Variants in AFG1L observed in about 807,000 individuals in gnomAD.
The protein encoded by AFG1L is AFG1-like ATPase.
In AFG1L, 53 loss-of-function variants were observed where a neutral mutation model predicts 62.2. The observed-to-expected ratio is 0.85, with a 90% CI of 0.68 to 1.07. The LOEUF is 1.07. Ranked by LOEUF, AFG1L falls within the 50% of genes least tolerant of loss-of-function variation. The pLI is 0.00. For missense variants in AFG1L, 555 were observed against 590.5 expected (o/e 0.94, Z 0.62); for synonymous variants, 228 against 210.3 (o/e 1.08, Z -0.73).
intron 7 of AFG1L, among the ~76,000 whole-genome samples, chr6:108,436,164 T>A (rs1279558496): frequency 6.6e-6 from 1 of 152,086 alleles, no homozygotes; most frequent in African/African-American, 2.4e-5. Flanking sequence ...GGTTTTTTTT[T>A]AGACAGAGTC....
intron 8 of AFG1L, among the ~76,000 whole-genome samples, chr6:108,459,679 G>C (rs892675325): frequency 6.6e-6 from 1 of 151,988 alleles, no homozygotes; most frequent in Non-Finnish European, 1.5e-5. Flanking sequence ...AGTTTTCTAG[G>C]TAGCAATTGA....
intron 1 of AFG1L, among the ~76,000 whole-genome samples, chr6:108,322,208 G>A (rs1274334378): frequency 2.0e-5 from 3 of 152,196 alleles, no homozygotes; most frequent in Admixed American, 6.5e-5. Context: ...GTGCCTGGCC[G>A]GAAGTTTATT....
At chr6:108,400,349 G>T (rs1447984735) in intron 6 of AFG1L, among the ~76,000 whole-genome samples, 2 of 151,360 alleles carry the variant, frequency 1.3e-5, no homozygotes, top group Non-Finnish European at 2.9e-5. Flanking sequence ...TTTTTATTAT[G>T]TTGAGGTCCG....
At chr6:108,424,397 A>T (rs1403926634) in intron 7 of AFG1L, among the ~76,000 whole-genome samples, 1 of 152,130 alleles carries the variant, frequency 6.6e-6, no homozygotes, top group Non-Finnish European at 1.5e-5. Flanking sequence ...AGTCTACAAA[A>T]GCCTAATTGC....
intron 7 of AFG1L, among the ~76,000 whole-genome samples, chr6:108,446,989 G>A (rs1442187880): frequency 1.3e-5 from 2 of 152,092 alleles, no homozygotes; most frequent in Non-Finnish European, 2.9e-5. Context: ...AAAACATGAT[G>A]CAAATTTTAA....
chr6:108,307,006 T>C (rs965162080), intron 1 of AFG1L, among the ~76,000 whole-genome samples: 8 of 152,070 alleles, frequency 5.3e-5, no homozygotes, highest in Non-Finnish European at 1.2e-4. Flanking sequence ...ATTACTTTTT[T>C]TTTCTTTCTT....
At chr6:108,395,659 CCTAAAGTGCTGG>C (rs1435282751) in intron 6 of AFG1L, among the ~76,000 whole-genome samples, 1 of 151,848 alleles carries the variant, frequency 6.6e-6, no homozygotes, top group African/African-American at 2.4e-5. Context: ...GCCTTGGCCT[CCTAAAGTGCTGG>C]AATTTACAAA....
chr6:108,465,429 C>T (rs1372798513), intron 8 of AFG1L, among the ~76,000 whole-genome samples: 1 of 152,046 alleles, frequency 6.6e-6, no homozygotes, highest in East Asian at 1.9e-4. Flanking sequence ...TAATCTATAT[C>T]CTTGCATATT....
intron 1 of AFG1L, among the ~76,000 whole-genome samples, chr6:108,304,611 T>C (rs1421094021): frequency 1.3e-5 from 2 of 152,246 alleles, no homozygotes; most frequent in African/African-American, 4.8e-5. Context: ...ACAGCTGAAA[T>C]TTTAATCCAG....
chr6:108,316,533 ATT>A (rs544278061), intron 1 of AFG1L, among the ~76,000 whole-genome samples: 82 of 125,090 alleles, frequency 6.6e-4, no homozygotes, highest in Middle Eastern at 4.2e-3. Flanking sequence ...GTACACTCTG[ATT>A]TTTTTTTTTT....
chr6:108,336,121 A>G (rs577092325), intron 2 of AFG1L, among the ~76,000 whole-genome samples: 2 of 152,172 alleles, frequency 1.3e-5, no homozygotes, highest in African/African-American at 4.8e-5. Context: ...GTTTTTAAAG[A>G]TCTTCTTAGA....
Position 108,399,769 on chromosome 6 carries a change from CTTTTTT to C in AFG1L, c.749-2205_749-2200del, listed in dbSNP as rs757924406. Among the ~76,000 whole-genome samples, 8 of 42,678 alleles carry C rather than the reference CTTTTTT, an allele frequency of 1.9e-4. No individual in the cohort carries two copies. In the South Asian group the frequency reaches 4.0e-3, roughly 21 times the overall value. The allele number at this position is 42,678 out of a possible 152,430, so 28.0% of individuals were successfully genotyped here. On this transcript the variant is annotated intron_variant, in intron 6 of 12. Coordinates refer to ENST00000368977, the MANE Select transcript of AFG1L (RefSeq NM_145315.5). ...TGGGGTGGGGTGTGGAAGTATCTCTCTTTTTTTTTTTTTTTTTTTTTTTTTTTGAGA... is the reference window on the plus strand; with the variant it reads ...TGGGGTGGGGTGTGGAAGTATCTCTCTTTTTTTTTTTTTTTTTTTTTGAGA...
chr6:108,309,083 C>T (rs1777310834), intron 1 of AFG1L, among the ~76,000 whole-genome samples: 1 of 152,094 alleles, frequency 6.6e-6, no homozygotes, highest in Non-Finnish European at 1.5e-5. Flanking sequence ...CTTTGCTTAC[C>T]TCAAGGTCAC....
At chr6:108,382,966 C>T (rs780908900) in intron 6 of AFG1L, among the ~76,000 whole-genome samples, 6 of 152,264 alleles carry the variant, frequency 3.9e-5, no homozygotes, top group East Asian at 3.9e-4. Context: ...AGCTGAGTGC[C>T]GTGGCTTATG....
intron 10 of AFG1L, among the ~76,000 whole-genome samples, chr6:108,482,770 G>A (rs1773376301): frequency 6.6e-6 from 1 of 151,512 alleles, no homozygotes; most frequent in African/African-American, 2.4e-5. Context: ...ATGGTCTTTG[G>A]GGAATAGACC....
chr6:108,507,497 T>C (rs1774463033), intron 10 of AFG1L, among the ~76,000 whole-genome samples: 1 of 152,254 alleles, frequency 6.6e-6, no homozygotes, highest in South Asian at 2.1e-4. Context: ...CAAAGGTATG[T>C]AATTTGTAAA....
At chr6:108,427,764 C>T (rs1258530405) in intron 7 of AFG1L, among the ~76,000 whole-genome samples, 1 of 152,024 alleles carries the variant, frequency 6.6e-6, no homozygotes, top group African/African-American at 2.4e-5. Flanking sequence ...TCAAGTGATC[C>T]ACCTACCTTG....
chr6:108,495,339 C>T (rs1462401594), intron 10 of AFG1L, among the ~76,000 whole-genome samples: 7 of 152,124 alleles, frequency 4.6e-5, no homozygotes, highest in African/African-American at 1.4e-4. Context: ...GGAGTCTATA[C>T]AGATAAAGAG....
At chr6:108,379,898 G>A (rs1363862406) in intron 6 of AFG1L, among the ~76,000 whole-genome samples, 1 of 152,002 alleles carries the variant, frequency 6.6e-6, no homozygotes, top group Admixed American at 6.6e-5. Context: ...GATCTGCCTG[G>A]TTGTGAGGCA....
Sources: gnomAD v4.1 joint callset for allele counts (sites outside exome capture counted in the v4.1 genomes callset) on GRCh38, gnomAD v4.1.1 for gene constraint, MANE v1.5 for transcripts, NCBI Gene and HGNC (gene_info 2026-07-23, HGNC 2026-07-21) for gene names.